LRP1B: variants seen among roughly 807,000 people sequenced by gnomAD.
LRP1B encodes the protein low-density lipoprotein receptor-related protein 1B.
A neutral mutation model predicts 556.6 loss-of-function variants in LRP1B; 217 were observed. That is an observed-to-expected ratio of 0.39 (90% CI 0.35 to 0.44). The LOEUF (loss-of-function observed/expected upper bound fraction) is 0.44. Ranked by LOEUF, LRP1B falls within the 20% of genes least tolerant of loss-of-function variation. LRP1B has a pLI of 1.00. For synonymous variants in LRP1B, 2,047 were observed against 1,865.8 expected, an observed-to-expected ratio of 1.10 and a Z score of -2.50; for missense variants, 5,053 against 5,620.8, an observed-to-expected ratio of 0.90 and a Z score of 3.23.
intron 2 of LRP1B, among the ~76,000 whole-genome samples, chr2:141,550,185 T>C (rs983235509): frequency 2.6e-5 from 4 of 152,206 alleles, no homozygotes; most frequent in Non-Finnish European, 4.4e-5. Flanking sequence ...TTACAGGCAG[T>C]TTTAACTTAT....
At chr2:140,777,607 T>G (rs1012363836) in intron 32 of LRP1B, among the ~76,000 whole-genome samples, 1 of 152,100 alleles carries the variant, frequency 6.6e-6, no homozygotes, top group African/African-American at 2.4e-5. Flanking sequence ...GATCTCCAGC[T>G]CAATGGGAAA....
intron 17 of LRP1B, among the ~76,000 whole-genome samples, chr2:140,986,141 A>G (rs1696917719): frequency 6.6e-6 from 1 of 151,420 alleles, no homozygotes; most frequent in African/African-American, 2.4e-5. Flanking sequence ...AGAGTATCTC[A>G]TGTAATTTAA....
At chr2:141,623,354 CAATGGTATAT>C (rs1271266412) in intron 2 of LRP1B, among the ~76,000 whole-genome samples, 2 of 152,100 alleles carry the variant, frequency 1.3e-5, no homozygotes, top group Admixed American at 1.3e-4. Flanking sequence ...TATTTGTGGA[CAATGGTATAT>C]AATGTTCCAC....
chr2:141,103,971 G>A (rs891063093), intron 7 of LRP1B, among the ~76,000 whole-genome samples: 15 of 151,768 alleles, frequency 9.9e-5, no homozygotes, highest in Non-Finnish European at 2.1e-4. Flanking sequence ...TGTTTTTCAC[G>A]TTCGACATAA....
chr2:142,063,086 A>C (rs891845348), intron 1 of LRP1B, among the ~76,000 whole-genome samples: 2 of 151,272 alleles, frequency 1.3e-5, no homozygotes, highest in Non-Finnish European at 3.0e-5. Context: ...GTTTAAAAAC[A>C]CTAACAGTAC....
At chr2:140,307,655 T>C (rs1684123826) in intron 83 of LRP1B, among the ~76,000 whole-genome samples, 1 of 151,894 alleles carries the variant, frequency 6.6e-6, no homozygotes, top group Non-Finnish European at 1.5e-5. Context: ...TAAATTTATA[T>C]GATTTGGTTA....
At chr2:141,736,998 G>A (rs761606699) in intron 2 of LRP1B, among the ~76,000 whole-genome samples, 17 of 152,094 alleles carry the variant, frequency 1.1e-4, no homozygotes, top group Non-Finnish European at 1.8e-4. Flanking sequence ...CATACCAAAG[G>A]CCAGTCTTCT....
chr2:140,312,111 A>G (rs1684328995), intron 83 of LRP1B, among the ~76,000 whole-genome samples: 1 of 151,966 alleles, frequency 6.6e-6, no homozygotes, highest in African/African-American at 2.4e-5. Context: ...ATGTGGTGGC[A>G]GAGAGAGCTA....
chr2:140,838,823 A>G (rs1573787494), intron 31 of LRP1B, among the ~76,000 whole-genome samples: 1 of 152,208 alleles, frequency 6.6e-6, no homozygotes, highest in Non-Finnish European at 1.5e-5. Flanking sequence ...AAGGTATGAA[A>G]GAAAACATGA....
chr2:140,402,867 G>T (rs1684567360), intron 66 of LRP1B, among the ~76,000 whole-genome samples: 1 of 152,190 alleles, frequency 6.6e-6, no homozygotes, highest in Non-Finnish European at 1.5e-5. Context: ...GAAAAATTAA[G>T]TAAATGAGAA....
intron 25 of LRP1B, among the ~76,000 whole-genome samples, chr2:140,868,887 G>A (rs1026194676): frequency 4.6e-5 from 7 of 152,014 alleles, no homozygotes; most frequent in South Asian, 4.1e-4. Flanking sequence ...TAGTGACAGC[G>A]ACAGGAGACA....
chr2:140,264,702 ATGTGTG>A (rs3033314), intron 86 of LRP1B, among the ~76,000 whole-genome samples: 21,775 of 148,696 alleles, frequency 0.15, 1,789 homozygotes, highest in Non-Finnish European at 0.2. Context: ...TTGTCTATAT[ATGTGTG>A]TGTGTGTGTG....
intron 84 of LRP1B, among the ~76,000 whole-genome samples, chr2:140,296,698 T>C (rs1346825615): frequency 6.6e-6 from 1 of 152,124 alleles, no homozygotes; most frequent in Admixed American, 6.6e-5. Flanking sequence ...TTAAGAAGGA[T>C]GAAATGATTA....
At chr2:141,652,080 C>G (rs1689812629) in intron 2 of LRP1B, among the ~76,000 whole-genome samples, 2 of 152,194 alleles carry the variant, frequency 1.3e-5, no homozygotes, top group South Asian at 4.1e-4. Context: ...ACACAACTTC[C>G]CTCAATTTTA....
chr2:141,300,851 A>G (rs996943726), intron 3 of LRP1B, among the ~76,000 whole-genome samples: 1 of 152,090 alleles, frequency 6.6e-6, no homozygotes, highest in South Asian at 2.1e-4. Context: ...CCAGCTTCAG[A>G]TGTTTCTTTA....
At chr2:141,445,069 G>T (rs556659822) in intron 3 of LRP1B, among the ~76,000 whole-genome samples, 3 of 152,230 alleles carry the variant, frequency 2.0e-5, no homozygotes, top group African/African-American at 7.2e-5. Flanking sequence ...GACTTGTTTT[G>T]GTTGGTAGGC....
At chr2:142,127,991 TG>T (rs1707715717) in intron 1 of LRP1B, among the ~76,000 whole-genome samples, 1 of 152,150 alleles carries the variant, frequency 6.6e-6, no homozygotes, top group Non-Finnish European at 1.5e-5. Flanking sequence ...CAATTTTGGC[TG>T]TTAAGAGTTA....
intron 20 of LRP1B, among the ~76,000 whole-genome samples, chr2:140,945,320 C>A (rs1695509833): frequency 6.6e-6 from 1 of 152,126 alleles, no homozygotes. Flanking sequence ...AACACCATTC[C>A]TATCAAAACA....
chr2:141,518,855 CAGG>C (rs1684423131), intron 2 of LRP1B, among the ~76,000 whole-genome samples: 1 of 152,124 alleles, frequency 6.6e-6, no homozygotes, highest in Non-Finnish European at 1.5e-5. Context: ...GAGGCTGAGG[CAGG>C]AGATTTGCTT....
Sources: gnomAD v4.1 joint callset for allele counts (sites outside exome capture counted in the v4.1 genomes callset) on GRCh38, gnomAD v4.1.1 for gene constraint, MANE v1.5 for transcripts, NCBI Gene and HGNC (gene_info 2026-07-23, HGNC 2026-07-21) for gene names.